The following PLCL2 variants were observed in gnomAD, a reference collection of about 807,000 sequenced individuals.
PLCL2 encodes the protein phospholipase C like 2.
In PLCL2, 4 loss-of-function variants were observed where a neutral mutation model predicts 79.6. The observed-to-expected ratio is 0.05, with a 90% CI of 0.02 to 0.11. The LOEUF is 0.11. PLCL2 is among the 10% of genes least tolerant of loss of function. The pLI is 1.00. For missense variants in PLCL2, 895 were observed against 1,291.0 expected (o/e 0.69, Z 4.70); for synonymous variants, 484 against 457.7 (o/e 1.06, Z -0.73).
In PLCL2 at chr3:17,076,988, A is replaced by G. The variant is rs1379166602; in HGVS notation, c.3204+8923A>G. On this transcript the variant is annotated intron_variant, in intron 5 of 5. Transcript: ENST00000615277. ...CTCTACCTTCTTGAAGACATGTCAT[A>G]TATTCACAATAGCCGTTTTCCAGCC... 2.0e-5 allele frequency among the ~76,000 whole-genome samples: 3 copies of G among 152,094 alleles called. 1 individual carries two copies. The highest frequency in any genetic ancestry group is 4.4e-5 in the Non-Finnish European group (3 of 68,020).
At chr3:17,076,239 G>A (rs562560389) in intron 5 of PLCL2, among the ~76,000 whole-genome samples, 15 of 152,122 alleles carry the variant, frequency 9.9e-5, no homozygotes, top group East Asian at 5.8e-4. Flanking sequence ...TTGTGTGTAC[G>A]TGAGTTTTAA....
chr3:17,046,727 A>G (rs2064784367), intron 4 of PLCL2, among the ~76,000 whole-genome samples: 1 of 152,204 alleles, frequency 6.6e-6, no homozygotes, highest in South Asian at 2.1e-4. Flanking sequence ...TGAACAAGTG[A>G]TAATTGGCTT....
In PLCL2 at chr3:17,009,140, A is replaced by T. The variant is rs2064293726; in HGVS notation, c.328-534A>T. On this transcript the variant is annotated intron_variant, in intron 1 of 5. Transcript: ENST00000615277. This position sits in a 1 kb window ranked among gnomAD's most constrained non-coding sequence, Gnocchi z 4.0. ...GGTGGGATTACAGGCACCCGCCACC[A>T]TGCCCGGCTAATTTTTGTATTTTTA... 6.6e-6 allele frequency among the ~76,000 whole-genome samples: 1 copy of T among 152,092 alleles called. No homozygotes were observed. The highest frequency in any genetic ancestry group is 2.4e-5 in the African/African-American group (1 of 41,392).
intron 1 of PLCL2, among the ~76,000 whole-genome samples, chr3:16,916,299 AT>A (rs769417911): frequency 4.4e-4 from 67 of 152,176 alleles, no homozygotes; most frequent in Non-Finnish European, 4.3e-4. Flanking sequence ...GTTTAAAAAA[AT>A]ATAACATCCT....
intron 1 of PLCL2, among the ~76,000 whole-genome samples, chr3:16,978,750 C>T (rs1020859811): frequency 2.0e-5 from 3 of 152,226 alleles, no homozygotes; most frequent in African/African-American, 7.2e-5. Flanking sequence ...GTCAGTGCAA[C>T]AAGCCCAGAA....
chr3:17,056,976 A>G (rs891307481), intron 4 of PLCL2, among the ~76,000 whole-genome samples: 4 of 152,194 alleles, frequency 2.6e-5, no homozygotes, highest in African/African-American at 9.7e-5. Flanking sequence ...ATCAAGGTGT[A>G]CTTTCAGTGC....
chr3:17,027,422 C>G (rs1469649546), intron 3 of PLCL2, among the ~76,000 whole-genome samples: 4 of 152,222 alleles, frequency 2.6e-5, no homozygotes, highest in Non-Finnish European at 5.9e-5. Context: ...TGACTGCTTT[C>G]TCACTACAGT....
intron 1 of PLCL2, among the ~76,000 whole-genome samples, chr3:16,958,674 A>G (rs17042933): frequency 0.012 from 1,805 of 152,256 alleles, 44 homozygotes; most frequent in African/African-American, 0.041. Context: ...CAAACCTTCC[A>G]CTTTTACTCC....
chr3:16,890,722 T>C (rs540765833), intron 1 of PLCL2, among the ~76,000 whole-genome samples: 1 of 151,934 alleles, frequency 6.6e-6, no homozygotes, highest in African/African-American at 2.4e-5. Flanking sequence ...GCGACTGTTA[T>C]GTTTGTAAGC....
intron 5 of PLCL2, among the ~76,000 whole-genome samples, chr3:17,074,710 A>G (rs2065093012): frequency 6.6e-6 from 1 of 152,260 alleles, no homozygotes. Flanking sequence ...CACCTTCTAC[A>G]TCAGCACTTG....
At chr3:16,898,632 G>GA (rs1696541895) in intron 1 of PLCL2, among the ~76,000 whole-genome samples, 2 of 152,116 alleles carry the variant, frequency 1.3e-5, no homozygotes, top group Non-Finnish European at 2.9e-5. Context: ...GCCCTGACCT[G>GA]TCCTCATCAT....
chr3:17,064,621 A>C (rs116744248), intron 4 of PLCL2, among the ~76,000 whole-genome samples: 2,177 of 152,188 alleles, frequency 0.014, 65 homozygotes, highest in African/African-American at 0.05. Flanking sequence ...AAAAAAATAC[A>C]ATCAATATAT....
At chr3:17,023,724 T>G (rs2064480790) in intron 3 of PLCL2, among the ~76,000 whole-genome samples, 1 of 152,158 alleles carries the variant, frequency 6.6e-6, no homozygotes, top group Non-Finnish European at 1.5e-5. Flanking sequence ...GAACATAGTT[T>G]GATAAATCCT....
intron 4 of PLCL2, among the ~76,000 whole-genome samples, chr3:17,061,835 T>G (rs2064955953): frequency 1.3e-5 from 2 of 152,236 alleles, no homozygotes; most frequent in Non-Finnish European, 2.9e-5. Context: ...TGTTCTTTGT[T>G]CACACAGCCT....
intron 3 of PLCL2, among the ~76,000 whole-genome samples, chr3:17,016,756 CA>C (rs138265421): frequency 6.6e-6 from 1 of 151,960 alleles, no homozygotes; most frequent in East Asian, 1.9e-4. Context: ...GAGATGAAGC[CA>C]AAAAAGTATC....
chr3:17,001,869 A>AT (rs370805131), intron 1 of PLCL2, among the ~76,000 whole-genome samples: 3,093 of 147,052 alleles, frequency 0.021, 123 homozygotes, highest in African/African-American at 0.071. Context: ...GAATGTTAGG[A>AT]TTTTTTTTTT....
chr3:17,018,860 G>A (rs533495985), intron 3 of PLCL2, among the ~76,000 whole-genome samples: 1 of 152,254 alleles, frequency 6.6e-6, no homozygotes, highest in African/African-American at 2.4e-5. Context: ...TCAACAGCAA[G>A]TATTTATTGA....
At position 17,075,096 on chromosome 3, in the gene PLCL2, C is replaced by A. The variant is rs79420805; in HGVS notation, c.3204+7031C>A. Reference sequence around the variant, plus strand: ...GGCTCATGTTGGCTTTTGACTTGAACTTGGCCTTCCTCAGTAAGCTTCATT... The same window carrying A: ...GGCTCATGTTGGCTTTTGACTTGAAATTGGCCTTCCTCAGTAAGCTTCATT... On this transcript the variant is annotated intron_variant, in intron 5 of 5. Transcript: ENST00000615277. Among the ~76,000 whole-genome samples, 81 of 152,320 alleles carry A rather than the reference C, an allele frequency of 5.3e-4. No homozygotes were observed. The East Asian group carries it at 0.015, about 28-fold the overall frequency.
intron 2 of PLCL2, among the ~76,000 whole-genome samples, chr3:17,014,423 T>C (rs1438550823): frequency 6.6e-6 from 1 of 152,212 alleles, no homozygotes; most frequent in Non-Finnish European, 1.5e-5. Context: ...TCAGCACTAC[T>C]ATGAACTTTG....
Sources: gnomAD v4.1 joint callset for allele counts (sites outside exome capture counted in the v4.1 genomes callset) on GRCh38, gnomAD v4.1.1 for gene constraint, Gnocchi (gnomAD v3.1) non-coding constraint, MANE v1.5 for transcripts, NCBI Gene and HGNC (gene_info 2026-07-23, HGNC 2026-07-21) for gene names.